GRAMD1B: variants seen among roughly 807,000 people sequenced by gnomAD.
GRAMD1B encodes GRAM domain containing 1B, also known as protein Aster-B.
Under a neutral mutation model 99.7 loss-of-function variants are expected in GRAMD1B, and 37 were observed. The ratio of observed to expected loss-of-function variants is 0.37; its 90% CI spans 0.29 to 0.49. GRAMD1B has a LOEUF of 0.49. Ranked by LOEUF, GRAMD1B falls within the 20% of genes least tolerant of loss-of-function variation. The pLI, the probability that GRAMD1B is intolerant of heterozygous loss-of-function variation, is 0.98. For synonymous variants in GRAMD1B, 427 were observed against 387.6 expected (o/e 1.10, Z -1.19); for missense variants, 888 against 1,009.2 (o/e 0.88, Z 1.63).
intron 2 of GRAMD1B, among the ~76,000 whole-genome samples, chr11:123,511,065 CTT>C (rs1940955581): frequency 6.9e-6 from 1 of 145,894 alleles, no homozygotes; most frequent in South Asian, 2.1e-4. Flanking sequence ...AGTTATGCCT[CTT>C]TTTCACTCTC....
intron 1 of GRAMD1B, among the ~76,000 whole-genome samples, chr11:123,383,957 A>C (rs11219125): frequency 0.087 from 13,231 of 151,906 alleles, 702 homozygotes; most frequent in Middle Eastern, 0.22. Context: ...TGCAACCTCC[A>C]CCTCCTGGGT....
Position 123,594,081 on chromosome 11 carries a change from G to T in GRAMD1B, c.685-1G>T. ...TACTAACCTTGGCTATTGTCACGCA[G>T]GTGTTAAGCCCCACCTACAAGCAGA... is the stretch of plus-strand genomic sequence containing the variant. On this transcript the variant is annotated splice_acceptor_variant, in intron 4 of 19. Coordinates refer to ENST00000635736, the MANE Select transcript of GRAMD1B (RefSeq NM_001387025.1). LOFTEE classifies it high-confidence loss of function. 6.2e-7 allele frequency: 1 copy of T among 1,608,200 alleles called. No homozygotes were observed. The highest frequency in any genetic ancestry group is 8.5e-7 in the Non-Finnish European group (1 of 1,174,578).
At chr11:123,494,321 T>C (rs1938954433) in intron 2 of GRAMD1B, among the ~76,000 whole-genome samples, 1 of 152,226 alleles carries the variant, frequency 6.6e-6, no homozygotes, top group Non-Finnish European at 1.5e-5. Flanking sequence ...TGGAAATGTT[T>C]TGATCTGTGA....
chr11:123,519,289 G>A (rs1009551360), intron 2 of GRAMD1B, among the ~76,000 whole-genome samples: 2 of 152,232 alleles, frequency 1.3e-5, no homozygotes, highest in Non-Finnish European at 2.9e-5. Flanking sequence ...GGTGGGGAGA[G>A]GAGAGTGCCA....
At chr11:123,606,185 G>T (rs1952679593) in intron 10 of GRAMD1B, among the ~76,000 whole-genome samples, 1 of 152,246 alleles carries the variant, frequency 6.6e-6, no homozygotes, top group Non-Finnish European at 1.5e-5. Context: ...TCTTTAAAAT[G>T]TAAAGAGTTG....
At chr11:123,426,107 G>A (rs1031995920), upstream of GRAMD1B, among the ~76,000 whole-genome samples, 1 of 152,176 alleles carries the variant, frequency 6.6e-6, no homozygotes, top group Non-Finnish European at 1.5e-5. Context: ...GCCAGTAACA[G>A]GTCAGCTCAA....
chr11:123,498,656 A>G (rs147794306), intron 2 of GRAMD1B, among the ~76,000 whole-genome samples: 2 of 152,250 alleles, frequency 1.3e-5, no homozygotes, highest in East Asian at 3.9e-4. Context: ...CTCCATGGCC[A>G]TGGGTAAGTG....
At chr11:123,526,892 C>T (rs1942830796) in intron 2 of GRAMD1B, among the ~76,000 whole-genome samples, 1 of 152,230 alleles carries the variant, frequency 6.6e-6, no homozygotes, top group Admixed American at 6.5e-5. Context: ...TTACCTCTCT[C>T]TGTTTTTTGA....
intron 1 of GRAMD1B, among the ~76,000 whole-genome samples, chr11:123,438,985 C>G (rs1949287328): frequency 6.6e-6 from 1 of 152,176 alleles, no homozygotes; most frequent in Admixed American, 6.5e-5. Context: ...GCTGTGTGTA[C>G]AAGAGCTTGA....
rs1294601480 is a variant in GRAMD1B, at chr11:123,612,761, G to A, written c.1920G>A (p.Arg640=). 3 of 1,579,070 alleles carry A rather than the reference G, an allele frequency of 1.9e-6. No homozygotes were observed. The highest frequency in any genetic ancestry group is 2.3e-5 in the East Asian group (1 of 44,358). ...TRVARNKSRL[R]VSTELRYRKQ... is the part of the protein sequence containing the mutation. The stretch of plus-strand genomic sequence containing the variant: ...ATCTTGTGTCTGGCTTGCTCCTCAG[G>A]GTCTCCACAGAGCTGCGCTATCGAA... Residue 640 remains arginine (R), a splice_region_variant and synonymous_variant, in exon 15 of 20, where the codon AGG becomes AGA. Transcript: ENST00000635736.
At chr11:123,417,761 A>G (rs1948281181) in intron 1 of GRAMD1B, among the ~76,000 whole-genome samples, 1 of 152,018 alleles carries the variant, frequency 6.6e-6, no homozygotes. Context: ...ACATGGAGAA[A>G]CCCTGTCTGC....
chr11:123,560,521 C>G (rs1946617513), intron 2 of GRAMD1B: 1 of 1,268,558 alleles, frequency 7.9e-7, no homozygotes, highest in South Asian at 1.3e-5. Context: ...TTGGGATGGT[C>G]ATGGAGGTGA....
intron 1 of GRAMD1B, among the ~76,000 whole-genome samples, chr11:123,444,524 C>G (rs1949551115): frequency 6.6e-6 from 1 of 152,026 alleles, no homozygotes; most frequent in African/African-American, 2.4e-5. Context: ...TGTGCCTGAG[C>G]TCCACAAGGA....
intron 2 of GRAMD1B, among the ~76,000 whole-genome samples, chr11:123,543,745 T>G (rs1355857841): frequency 6.6e-6 from 1 of 152,206 alleles, no homozygotes; most frequent in African/African-American, 2.4e-5. Flanking sequence ...CGCAGAAGAA[T>G]TCGCCATTTC....
Position 123,430,724 on chromosome 11 carries a change from C to G in GRAMD1B, c.-69C>G, listed in dbSNP as rs965688971. The G allele has an allele frequency of 3.2e-5, 19 of 594,396 alleles. No homozygotes were observed. Among genetic ancestry groups the G allele is most frequent in the Non-Finnish European group, 5.6e-5 (19 of 336,882 alleles). 36.8% of individuals were successfully genotyped at this position (594,396 alleles called of 1,614,324 possible). The stretch of plus-strand genomic sequence containing the variant: ...GTGCCGCGGGGCCGAGGGTGGGGAA[C>G]AGCCAGAGGGAGACGCGAACCAGGC... On this transcript the variant is annotated 5_prime_UTR_variant, in exon 1 of 20. Coordinates refer to ENST00000635736, the MANE Select transcript of GRAMD1B (RefSeq NM_001387025.1).
chr11:123,559,427 A>T (rs1946467277), intron 2 of GRAMD1B, among the ~76,000 whole-genome samples: 1 of 152,178 alleles, frequency 6.6e-6, no homozygotes, highest in African/African-American at 2.4e-5. Context: ...CAGTTTCCAG[A>T]TCCACTAAAC....
chr11:123,555,766 C>T (rs1378246618), intron 2 of GRAMD1B, among the ~76,000 whole-genome samples: 1 of 151,888 alleles, frequency 6.6e-6, no homozygotes, highest in East Asian at 1.9e-4. Context: ...CGGAGTTTTG[C>T]TCTTCTTACT....
At chr11:123,427,183 C>A (rs546165296), upstream of GRAMD1B, among the ~76,000 whole-genome samples, 1 of 152,146 alleles carries the variant, frequency 6.6e-6, no homozygotes, top group Non-Finnish European at 1.5e-5. Flanking sequence ...GAGATTCTGA[C>A]GCAGGGCATG....
At chr11:123,535,473 G>A (rs895765674) in intron 2 of GRAMD1B, among the ~76,000 whole-genome samples, 8 of 152,072 alleles carry the variant, frequency 5.3e-5, no homozygotes, top group African/African-American at 1.4e-4. Context: ...GGTAGGAATC[G>A]GTAGCTTTAT....
Sources: gnomAD v4.1 joint callset for allele counts (sites outside exome capture counted in the v4.1 genomes callset) on GRCh38, gnomAD v4.1.1 for gene constraint, MANE v1.5 for transcripts, NCBI Gene and HGNC (gene_info 2026-07-23, HGNC 2026-07-21) for gene names.